Variants in AMMECR1 observed in about 807,000 individuals in gnomAD.
AMMECR1 encodes nuclear protein AMMECR1.
AMMECR1 carries 3 observed loss-of-function variants against 22.5 expected under a neutral mutation model. That is an observed-to-expected ratio of 0.13 (90% CI 0.06 to 0.35). The LOEUF is 0.35. Among genes scored for constraint, AMMECR1 ranks in the 10% least tolerant of loss-of-function variants. AMMECR1 has a pLI of 1.00. For missense variants in AMMECR1, 235 were observed against 278.7 expected (o/e 0.84, Z 1.12); for synonymous variants, 130 against 116.7 (o/e 1.11, Z -0.74).
chrX:110,218,110 T>C (rs922071755), intron 2 of AMMECR1, among the ~76,000 whole-genome samples: 1 of 111,357 alleles, frequency 9.0e-6, no homozygotes, highest in Non-Finnish European at 1.9e-5. Flanking sequence ...ATTTTCCTAC[T>C]GACAAATAAA....
At chrX:110,258,202 G>A (rs2067720443) in intron 2 of AMMECR1, among the ~76,000 whole-genome samples, 1 of 112,156 alleles carries the variant, frequency 8.9e-6, no homozygotes, top group African/African-American at 3.2e-5. Context: ...AATTTCTGTG[G>A]CAGTAGGTGC....
At chrX:110,369,340 A>G (rs1569416182) in intron 2 of AMMECR1, among the ~76,000 whole-genome samples, 1 of 111,232 alleles carries the variant, frequency 9.0e-6, no homozygotes, top group Non-Finnish European at 1.9e-5. Context: ...TCAGTAAAAG[A>G]AAAAAAGAAA....
At chrX:110,385,300 G>A (rs1353596629) in intron 2 of AMMECR1, among the ~76,000 whole-genome samples, 1 of 111,765 alleles carries the variant, frequency 8.9e-6, no homozygotes, top group Admixed American at 9.5e-5. Flanking sequence ...CATAGTAGGT[G>A]CTATATAAAT....
chrX:110,226,201 T>G (rs746275110), intron 2 of AMMECR1, among the ~76,000 whole-genome samples: 1 of 111,995 alleles, frequency 8.9e-6, no homozygotes, highest in Non-Finnish European at 1.9e-5. Context: ...TAAGGTACTA[T>G]ACATGCATTA....
In AMMECR1 at chrX:110,238,044, A is replaced by G. The variant is rs141470948; in HGVS notation, c.585-21412T>C. 1.1e-3 allele frequency among the ~76,000 whole-genome samples: 124 copies of G among 111,839 alleles called. 2 individuals carry two copies. The East Asian group carries it at 0.031, about 28-fold the overall frequency. Reference sequence around the variant, plus strand: ...TCCAGGATTCTGGAATTAACCATCTACAGGCACTGTAACATCATAATTACA... The same window carrying G: ...TCCAGGATTCTGGAATTAACCATCTGCAGGCACTGTAACATCATAATTACA... On this transcript the variant is annotated intron_variant, in intron 2 of 5. Transcript: ENST00000262844.
chrX:110,318,087 C>G (rs887490503), upstream of AMMECR1: 2 of 1,171,590 alleles, frequency 1.7e-6, no homozygotes, highest in Non-Finnish European at 2.3e-6. Flanking sequence ...AACAGTCTCC[C>G]CCACGCAGCG....
At chrX:110,319,733 A>C (rs1445687807), upstream of AMMECR1, among the ~76,000 whole-genome samples, 2 of 112,104 alleles carry the variant, frequency 1.8e-5, no homozygotes, top group East Asian at 2.8e-4. Flanking sequence ...CCTCAGAAGT[A>C]ATTTGCCCAA....
chrX:110,363,606 G>A (rs73636958), intron 2 of AMMECR1, among the ~76,000 whole-genome samples: 7,532 of 111,466 alleles, frequency 0.068, 622 homozygotes, highest in African/African-American at 0.23. Flanking sequence ...CCATTATAGA[G>A]AGAAAAATAA....
At chrX:110,409,963 T>A (rs753612729) in intron 2 of AMMECR1, among the ~76,000 whole-genome samples, 5 of 112,200 alleles carry the variant, frequency 4.5e-5, no homozygotes, top group African/African-American at 1.6e-4. Flanking sequence ...GAAATACAGA[T>A]GCAGTGTGGC....
At chrX:110,377,632 C>A (rs1052000095) in intron 2 of AMMECR1, among the ~76,000 whole-genome samples, 1 of 111,802 alleles carries the variant, frequency 8.9e-6, no homozygotes, top group Non-Finnish European at 1.9e-5. Context: ...TGAAAAATTA[C>A]TTTTTATTTG....
chrX:110,307,916 C>G (rs1279624103), intron 1 of AMMECR1, among the ~76,000 whole-genome samples: 1 of 92,182 alleles, frequency 1.1e-5, no homozygotes, highest in Non-Finnish European at 2.1e-5. Flanking sequence ...GTCGCCCAAG[C>G]TGGAGTGCAG....
At chrX:110,363,377 T>G (rs1191218494) in intron 2 of AMMECR1, among the ~76,000 whole-genome samples, 1 of 111,907 alleles carries the variant, frequency 8.9e-6, no homozygotes, top group African/African-American at 3.2e-5. Context: ...GGGCTTAAGC[T>G]GACAAAAGAA....
intron 2 of AMMECR1, among the ~76,000 whole-genome samples, chrX:110,408,116 A>C (rs2068615683): frequency 8.9e-6 from 1 of 112,868 alleles, no homozygotes; most frequent in Admixed American, 9.3e-5. Flanking sequence ...TTAGAGAAGC[A>C]CTTGGCTTTG....
At chrX:110,233,521 C>T (rs1473840050) in intron 2 of AMMECR1, among the ~76,000 whole-genome samples, 1 of 111,543 alleles carries the variant, frequency 9.0e-6, no homozygotes, top group Non-Finnish European at 1.9e-5. Flanking sequence ...CTGGCAGAGA[C>T]GCAACAAAAA....
At chrX:110,235,598 T>C (rs995586352) in intron 2 of AMMECR1, among the ~76,000 whole-genome samples, 1 of 111,997 alleles carries the variant, frequency 8.9e-6, no homozygotes, top group Non-Finnish European at 1.9e-5. Flanking sequence ...ATTAAGAAAA[T>C]GTGGCACATA....
chrX:110,318,185 C>G (rs866914778), upstream of AMMECR1: 2 of 572,188 alleles, frequency 3.5e-6, no homozygotes. Context: ...GCTGGCGGGG[C>G]GCGCGCGCGC....
intron 1 of AMMECR1, among the ~76,000 whole-genome samples, chrX:110,290,249 C>G (rs992337734): frequency 8.9e-6 from 1 of 111,881 alleles, no homozygotes; most frequent in Non-Finnish European, 1.9e-5. Flanking sequence ...CCACTGTGAA[C>G]ATTAGATCTA....
chrX:110,432,560 C>G (rs771325987), intron 1 of AMMECR1, among the ~76,000 whole-genome samples: 17 of 112,025 alleles, frequency 1.5e-4, no homozygotes, highest in African/African-American at 4.5e-4. Context: ...GTGAGCGTGG[C>G]ACCTCATTGC....
chrX:110,222,513 G>A (rs376475648), intron 2 of AMMECR1, among the ~76,000 whole-genome samples: 5 of 95,261 alleles, frequency 5.2e-5, no homozygotes, highest in Non-Finnish European at 8.3e-5. Context: ...GAGTTAGTGG[G>A]TGCAGTGCAC....
Sources: allele counts gnomAD v4.1 joint callset (sites outside exome capture counted in the v4.1 genomes callset), GRCh38; gene constraint gnomAD v4.1.1; transcripts MANE v1.5; gene names NCBI Gene and HGNC (gene_info 2026-07-23, HGNC 2026-07-21).